GK5: variants seen among roughly 807,000 people sequenced by gnomAD.
The protein encoded by GK5 is ATP:glycerol 3-phosphotransferase 5.
A neutral mutation model predicts 77.3 loss-of-function variants in GK5; 39 were observed. That is an observed-to-expected ratio of 0.50 (90% CI 0.39 to 0.66). The LOEUF (loss-of-function observed/expected upper bound fraction) is 0.66. Among genes scored for constraint, GK5 ranks in the 30% least tolerant of loss-of-function variants. The probability of loss-of-function intolerance (pLI) is 0.00; values close to 1 mark genes in which losing one functional copy is unlikely to be tolerated. For synonymous variants in GK5, 211 were observed against 208.0 expected, an observed-to-expected ratio of 1.01 and a Z score of -0.13; for missense variants, 487 against 633.8, an observed-to-expected ratio of 0.77 and a Z score of 2.49.
chr3:142,173,194 G>T, intron 12 of GK5: 1 of 426,774 alleles, frequency 2.3e-6, no homozygotes, highest in South Asian at 1.6e-5. Flanking sequence ...GAGTGAGACA[G>T]GGTCTAAAAA....
At chr3:142,193,884 G>C (rs909158143) in intron 5 of GK5, among the ~76,000 whole-genome samples, 11 of 152,030 alleles carry the variant, frequency 7.2e-5, no homozygotes, top group African/African-American at 2.7e-4. Context: ...GGGATTACAG[G>C]AGTCCACCAC....
chr3:142,204,427 T>A (rs1326163859), intron 4 of GK5: 2 of 470,444 alleles, frequency 4.3e-6, no homozygotes, highest in East Asian at 9.3e-5. Flanking sequence ...CTGTATCTTT[T>A]CCATTTCTCA....
intron 5 of GK5, among the ~76,000 whole-genome samples, chr3:142,193,762 A>G (rs901994670): frequency 4.6e-5 from 7 of 152,224 alleles, no homozygotes; most frequent in Admixed American, 4.6e-4. Context: ...GTGTGGGTAG[A>G]CAGCATCTCG....
At chr3:142,200,146 T>C (rs140239832) in intron 4 of GK5, among the ~76,000 whole-genome samples, 3 of 151,340 alleles carry the variant, frequency 2.0e-5, no homozygotes, top group African/African-American at 7.3e-5. Context: ...CACATACATA[T>C]GGTTTTTGGT....
intron 8 of GK5, 23 bp downstream of exon 8, chr3:142,186,168 TTAC>T (rs1361566252): frequency 7.1e-7 from 1 of 1,410,522 alleles, no homozygotes; most frequent in Non-Finnish European, 1.0e-6. Context: ...ATTGTGCTGG[TTAC>T]TATGTCTGAT....
At chr3:142,208,823 G>A (rs1313592214) in intron 3 of GK5, among the ~76,000 whole-genome samples, 1 of 152,152 alleles carries the variant, frequency 6.6e-6, no homozygotes, top group Non-Finnish European at 1.5e-5. Context: ...CAATTACTCA[G>A]TTGCTCACTT....
chr3:142,190,299 A>G (rs1464749832), intron 5 of GK5, among the ~76,000 whole-genome samples: 1 of 152,156 alleles, frequency 6.6e-6, no homozygotes. Flanking sequence ...AAAAATGTAC[A>G]AGAGGGGACT....
At chr3:142,212,103 T>C (rs2064195351) in intron 3 of GK5, among the ~76,000 whole-genome samples, 1 of 152,174 alleles carries the variant, frequency 6.6e-6, no homozygotes, top group African/African-American at 2.4e-5. Context: ...ATTTTTCAGA[T>C]TCATCTTTTC....
At position 142,177,533 on chromosome 3, in the gene GK5, A is replaced by T; in HGVS notation, c.1092T>A (p.Ser364Arg). 2 of 1,613,402 alleles carry T rather than the reference A, an allele frequency of 1.2e-6. No individual in the cohort carries two copies. Among genetic ancestry groups the T allele is most frequent in the South Asian group, 2.2e-5 (2 of 91,028 alleles). The change falls in exon 12 of 16, where the codon AGT becomes AGA. Residue 364 changes from serine (S) to arginine (R), a missense_variant. This residue lies in a region of GK5 where 323 missense variants were observed against 437.4 expected (regional missense o/e 0.74). Coordinates refer to ENST00000392993, the MANE Select transcript of GK5 (RefSeq NM_001039547.3). ...AACAAACTCCTTCAGAATCCTCCAA[A>T]CTTTTGGCCATTTTTTCAGTCTCAG... ...DAAETEKMAK[S>R]LEDSEGVCFV... is the part of the protein sequence containing the mutation.
At position 142,200,461 on chromosome 3, in the gene GK5, C is replaced by T. The variant is rs561669540; in HGVS notation, c.412-1528G>A. Among the ~76,000 whole-genome samples the T allele has an allele frequency of 2.0e-5, 3 of 152,290 alleles. No homozygotes were observed. The East Asian group carries it at 5.8e-4, about 29-fold the overall frequency. On this transcript the variant is annotated intron_variant, in intron 4 of 15. Transcript: ENST00000392993. Reference sequence around the variant, plus strand: ...GGGATTACAGGCGTGAACCACTGCACCCTGTCATTTCTTTATATTTTACAT... The same window carrying T: ...GGGATTACAGGCGTGAACCACTGCATCCTGTCATTTCTTTATATTTTACAT...
At chr3:142,192,016 T>A (rs1293848708) in intron 5 of GK5, among the ~76,000 whole-genome samples, 1 of 151,972 alleles carries the variant, frequency 6.6e-6, no homozygotes, top group Non-Finnish European at 1.5e-5. Flanking sequence ...CAAACAAAAA[T>A]TTTTTTAATG....
intron 1 of GK5, among the ~76,000 whole-genome samples, chr3:142,221,313 T>G (rs1277342681): frequency 6.6e-6 from 1 of 152,200 alleles, no homozygotes; most frequent in Non-Finnish European, 1.5e-5. Flanking sequence ...TGTAATAGTT[T>G]AACTACAAGA....
intron 4 of GK5, chr3:142,204,085 T>C (rs894403804): frequency 1.3e-5 from 2 of 157,614 alleles, no homozygotes; most frequent in African/African-American, 2.4e-5. Context: ...TGGAGTGCAG[T>C]GGCAATCACT....
intron 1 of GK5, among the ~76,000 whole-genome samples, chr3:142,217,370 A>G (rs937308135): frequency 6.6e-6 from 1 of 152,204 alleles, no homozygotes; most frequent in Non-Finnish European, 1.5e-5. Context: ...GAATTGAAAA[A>G]TGTACTGATC....
At chr3:142,217,869 T>A (rs2064294632) in intron 1 of GK5, among the ~76,000 whole-genome samples, 2 of 152,096 alleles carry the variant, frequency 1.3e-5, no homozygotes, top group African/African-American at 4.8e-5. Context: ...AGAACTGCCA[T>A]CCCAGATTTC....
chr3:142,206,645 AC>A (rs1388763792), intron 3 of GK5, among the ~76,000 whole-genome samples: 1 of 152,124 alleles, frequency 6.6e-6, no homozygotes, highest in Admixed American at 6.5e-5. Flanking sequence ...CTAGATATTA[AC>A]CCCTTACTAG....
intron 12 of GK5, among the ~76,000 whole-genome samples, chr3:142,176,280 T>G (rs1162824600): frequency 6.6e-6 from 1 of 152,146 alleles, no homozygotes; most frequent in African/African-American, 2.4e-5. Context: ...AGCTTCTATA[T>G]TATAAACCCA....
intron 12 of GK5, among the ~76,000 whole-genome samples, chr3:142,172,759 C>G (rs1458239848): frequency 6.6e-6 from 1 of 152,206 alleles, no homozygotes; most frequent in Non-Finnish European, 1.5e-5. Flanking sequence ...AGAGCAATCA[C>G]AGCAATCCCC....
At chr3:142,185,884 T>C (rs372267841) in intron 9 of GK5, 45 bp downstream of exon 9, 114 of 1,556,802 alleles carry the variant, frequency 7.3e-5, no homozygotes, top group Admixed American at 6.5e-4. Flanking sequence ...ACATATTACT[T>C]TAGTTTATAC....
Sources: gnomAD v4.1 joint callset for allele counts (sites outside exome capture counted in the v4.1 genomes callset) on GRCh38, gnomAD v4.1.1 for gene constraint, gnomAD v4.1.1 regional missense constraint, MANE v1.5 for transcripts, NCBI Gene and HGNC (gene_info 2026-07-23, HGNC 2026-07-21) for gene names.